PCDH15: variants seen among roughly 807,000 people sequenced by gnomAD.
PCDH15 encodes the protein protocadherin related 15.
In PCDH15, 129 loss-of-function variants were observed where a neutral mutation model predicts 178.5. The ratio of observed to expected loss-of-function variants is 0.72; its 90% CI spans 0.63 to 0.84. PCDH15 has a LOEUF of 0.84. Ranked by LOEUF, PCDH15 falls within the 40% of genes least tolerant of loss-of-function variation. The pLI is 0.00. For missense variants in PCDH15, 2,230 were observed against 2,099.9 expected, an observed-to-expected ratio of 1.06 and a Z score of -1.21; for synonymous variants, 800 against 732.0, an observed-to-expected ratio of 1.09 and a Z score of -1.50.
intron 2 of PCDH15, among the ~76,000 whole-genome samples, chr10:54,640,218 T>G (rs2093958421): frequency 1.3e-5 from 2 of 152,128 alleles, no homozygotes; most frequent in Admixed American, 6.6e-5. Context: ...TATTTAAACA[T>G]AATTTCTTTA....
intron 3 of PCDH15, among the ~76,000 whole-genome samples, chr10:54,509,371 CTT>C (rs1238287146): frequency 2.0e-5 from 3 of 152,060 alleles, no homozygotes; most frequent in Admixed American, 6.6e-5. Flanking sequence ...CATTTTCTCT[CTT>C]GTCTGCCACC....
intron 4 of PCDH15, among the ~76,000 whole-genome samples, chr10:54,373,540 C>A (rs1447680252): frequency 6.6e-6 from 1 of 151,892 alleles, no homozygotes; most frequent in East Asian, 1.9e-4. Context: ...TTTGTAAATA[C>A]AATTATGCAT....
At chr10:54,769,357 A>G (rs937003419) in intron 1 of PCDH15, among the ~76,000 whole-genome samples, 16 of 141,326 alleles carry the variant, frequency 1.1e-4, no homozygotes, top group Admixed American at 7.2e-4. Context: ...CTCTTTTTCT[A>G]TTTTATCAAG....
At chr10:54,217,904 C>T (rs1453471111) in intron 9 of PCDH15, among the ~76,000 whole-genome samples, 1 of 152,000 alleles carries the variant, frequency 6.6e-6, no homozygotes, top group Admixed American at 6.5e-5. Flanking sequence ...TTTTCAAGAG[C>T]CAAAAGGCTT....
chr10:55,125,558 G>A (rs561572284), intron 2 of PCDH15, among the ~76,000 whole-genome samples: 8 of 152,022 alleles, frequency 5.3e-5, no homozygotes, highest in Non-Finnish European at 7.4e-5. Flanking sequence ...GAATGTATCC[G>A]GAGAAACAAA....
chr10:54,688,296 C>G (rs1721387221), intron 1 of PCDH15, among the ~76,000 whole-genome samples: 1 of 151,652 alleles, frequency 6.6e-6, no homozygotes, highest in Non-Finnish European at 1.5e-5. Flanking sequence ...ATTTTTTTTT[C>G]TCTAAGCCTC....
rs370249355 is a variant in PCDH15, at chr10:55,192,618, T to C, written c.-155-25967A>G. The stretch of plus-strand genomic sequence containing the variant: ...TTATAGCAAATAATTAATCTTGATA[T>C]TGGCAATTTCCTGACCTACATATTA... On this transcript the variant is annotated intron_variant, in intron 1 of 5. Coordinates refer to the PCDH15 transcript ENST00000458638. Among the ~76,000 whole-genome samples, 99 of 151,952 alleles carry C rather than the reference T, an allele frequency of 6.5e-4. 1 individual carries two copies. In the South Asian group the frequency reaches 0.02, roughly 31 times the overall value.
intron 5 of PCDH15, among the ~76,000 whole-genome samples, chr10:54,364,109 G>A (rs980798499): frequency 6.6e-6 from 1 of 151,894 alleles, no homozygotes; most frequent in African/African-American, 2.4e-5. Flanking sequence ...CTACTCGGGA[G>A]GCTGAGGCAG....
chr10:55,534,279 C>A (rs1841522177), intron 2 of PCDH15, among the ~76,000 whole-genome samples: 2 of 151,960 alleles, frequency 1.3e-5, no homozygotes, highest in African/African-American at 2.4e-5. Context: ...ATAGAGTAAA[C>A]AGACAACCTA....
chr10:54,462,043 A>G (rs2136475357), intron 3 of PCDH15, among the ~76,000 whole-genome samples: 1 of 152,236 alleles, frequency 6.6e-6, no homozygotes, highest in East Asian at 1.9e-4. Flanking sequence ...ACATGAGTTG[A>G]GATAGTCAAT....
Position 53,937,091 on chromosome 10 carries a change from T to A in PCDH15, c.3373+1724A>T, listed in dbSNP as rs147837020. On this transcript the variant is annotated intron_variant, in intron 25 of 37. Transcript: ENST00000644397. ...CATTTCTGACAGGATAATTCAGGAA[T>A]TGGTTTCACCTCTACATGCATACTG... Among the ~76,000 whole-genome samples, 62 of 152,282 alleles carry A rather than the reference T, an allele frequency of 4.1e-4. No individual in the cohort carries two copies. The East Asian group carries it at 7.9e-3, about 19-fold the overall frequency.
chr10:54,457,284 G>A (rs969451611), intron 3 of PCDH15, among the ~76,000 whole-genome samples: 1 of 152,194 alleles, frequency 6.6e-6, no homozygotes, highest in Non-Finnish European at 1.5e-5. Flanking sequence ...AAAAATGTAT[G>A]CACTATTTTA....
In PCDH15 at chr10:55,039,930, A is replaced by C. The variant is rs113199103; in HGVS notation, c.-80+126646T>G. Among the ~76,000 whole-genome samples, 1,162 of 152,242 alleles carry C rather than the reference A, an allele frequency of 7.6e-3. 14 individuals are homozygous for C. Among genetic ancestry groups the C allele is most frequent in the African/African-American group, 0.026 (1,091 of 41,562 alleles). On this transcript the variant is annotated intron_variant, in intron 2 of 5. Transcript: ENST00000458638. ...CAAAAGTGACAAAACAAACAAACAA[A>C]AAAACCCACCATCAAACCATAGGTA...
At chr10:54,125,299 G>A (rs2041898184) in intron 15 of PCDH15, among the ~76,000 whole-genome samples, 1 of 152,158 alleles carries the variant, frequency 6.6e-6, no homozygotes, top group Non-Finnish European at 1.5e-5. Context: ...GAAAAGGAAA[G>A]AGAATCAAAG....
At chr10:55,456,209 C>A (rs1053552299) in intron 2 of PCDH15, among the ~76,000 whole-genome samples, 1 of 152,032 alleles carries the variant, frequency 6.6e-6, no homozygotes, top group Non-Finnish European at 1.5e-5. Context: ...AAAAAAAAAT[C>A]ATGACGTGTG....
chr10:55,469,831 G>A (rs968373202), intron 2 of PCDH15, among the ~76,000 whole-genome samples: 2 of 151,080 alleles, frequency 1.3e-5, no homozygotes, highest in Non-Finnish European at 3.0e-5. Context: ...TGTTACTTAC[G>A]GTTTTTAGTA....
chr10:54,850,927 G>A (rs1953608557), intron 3 of PCDH15, among the ~76,000 whole-genome samples: 1 of 152,082 alleles, frequency 6.6e-6, no homozygotes, highest in African/African-American at 2.4e-5. Context: ...TATCAATGTG[G>A]CAGTTGACTG....
At chr10:53,984,148 C>CTTTTTTT (rs66540462) in intron 21 of PCDH15, among the ~76,000 whole-genome samples, 120 of 63,508 alleles carry the variant, frequency 1.9e-3, no homozygotes, top group African/African-American at 4.3e-3. Context: ...TTTTTCTTTT[C>CTTTTTTT]TTTTTTTTTT....
rs555643005 is a variant in PCDH15, at chr10:54,023,226, A to T, written c.2221-29T>A. 110 of 1,603,242 alleles carry T rather than the reference A, an allele frequency of 6.9e-5. No homozygotes were observed. In the African/African-American group the frequency reaches 1.0e-3, roughly 15 times the overall value. On this transcript the variant is annotated intron_variant, in intron 18 of 37. Coordinates refer to ENST00000644397, the MANE Select transcript of PCDH15 (RefSeq NM_001384140.1). ...TTAAATAAAACAAAAAAACAAAAAA[A>T]TTCACGTAAGTTTTGACGGGCTACT...
Sources: gnomAD v4.1 joint callset for allele counts (sites outside exome capture counted in the v4.1 genomes callset) on GRCh38, gnomAD v4.1.1 for gene constraint, MANE v1.5 for transcripts, NCBI Gene and HGNC (gene_info 2026-07-23, HGNC 2026-07-21) for gene names.